The following ZNF169 variants were observed in gnomAD, a reference collection of about 807,000 sequenced individuals.
ZNF169 encodes the protein zinc finger protein 169.
ZNF169 carries 11 observed loss-of-function variants against 12.0 expected under a neutral mutation model. That is an observed-to-expected ratio of 0.92 (90% CI 0.58 to 1.52). The LOEUF is 1.52. ZNF169 is among the 40% of genes most tolerant of loss of function. The pLI is 0.00. For synonymous variants in ZNF169, 302 were observed against 286.5 expected, an observed-to-expected ratio of 1.05 and a Z score of -0.55; for missense variants, 722 against 744.0, an observed-to-expected ratio of 0.97 and a Z score of 0.34.
intron 1 of ZNF169, among the ~76,000 whole-genome samples, chr9:94,260,883 T>C (rs11789843): frequency 0.18 from 21,688 of 120,576 alleles, 3,129 homozygotes; most frequent in Middle Eastern, 0.25. Flanking sequence ...TGCAGTGGAG[T>C]GATCTCAGCT....
At chr9:94,268,042 T>G (rs1409209931) in intron 1 of ZNF169, among the ~76,000 whole-genome samples, 5 of 78,738 alleles carry the variant, frequency 6.4e-5, no homozygotes, top group African/African-American at 8.5e-5. Flanking sequence ...ATTTTTTTTG[T>G]TTTTTTTAGT....
chr9:94,288,225 T>G (rs1288841384), intron 2 of ZNF169: 2 of 815,556 alleles, frequency 2.5e-6, no homozygotes, highest in South Asian at 2.7e-5. Context: ...AGCATTTTTT[T>G]CCCCCAGTGT....
chr9:94,270,793 AAAT>A (rs1307567449), intron 1 of ZNF169, among the ~76,000 whole-genome samples: 1 of 66,432 alleles, frequency 1.5e-5, no homozygotes, highest in African/African-American at 5.7e-5. Context: ...AAATATATAT[AAAT>A]AATATATATA....
At chr9:94,288,490 C>A in intron 2 of ZNF169, 2 of 752,254 alleles carry the variant, frequency 2.7e-6, no homozygotes, top group Non-Finnish European at 2.3e-6. Flanking sequence ...AAATCCATAG[C>A]CATTGGTGAA....
At position 94,300,453 on chromosome 9, in the gene ZNF169, T is replaced by G. The variant is rs777392433; in HGVS notation, c.895T>G (p.Phe299Val). ...PYVCRECGRH[F>V]RYTSSLTNHK... ...TGTGTGCAGGGAATGTGGGCGACAC[T>G]TCAGGTATACATCCTCTCTCACTAA... Residue 299 changes from phenylalanine (F) to valine (V), a missense_variant, in exon 5 of 5, where the codon TTC (phenylalanine) becomes GTC (valine). Coordinates refer to ENST00000395395, the MANE Select transcript of ZNF169 (RefSeq NM_194320.4). 1 of 1,614,040 alleles carries G rather than the reference T, an allele frequency of 6.2e-7. No homozygotes were observed. Among genetic ancestry groups the G allele is most frequent in the East Asian group, 2.2e-5 (1 of 44,860 alleles).
chr9:94,301,463 T>G lies in ZNF169; in HGVS notation c.*93T>G. The G allele has an allele frequency of 6.9e-7, 1 of 1,450,190 alleles. No homozygotes were observed. The highest frequency in any genetic ancestry group is 9.1e-7 in the Non-Finnish European group (1 of 1,099,368). 89.8% of individuals were successfully genotyped at this position (1,450,190 alleles called of 1,614,324 possible). A position where few individuals can be genotyped will look rare whatever the true frequency, so the allele number is the denominator to read the frequency against. On this transcript the variant is annotated 3_prime_UTR_variant, in exon 5 of 5. Transcript: ENST00000395395. ...GAATGGAAAAAAAAAAATGTTGCTT[T>G]CTTTCATCGATCATGAGATAGTTGA...
intron 2 of ZNF169, chr9:94,288,263 G>A (rs1830756434): frequency 2.5e-6 from 2 of 805,448 alleles, no homozygotes; most frequent in African/African-American, 3.4e-5. Context: ...TTGAAGGTCA[G>A]CTTCAGTTCA....
rs1305229126 is a variant in ZNF169, at chr9:94,289,054, A to G, written c.34-3287A>G. Among the ~76,000 whole-genome samples, 5 of 152,150 alleles carry G rather than the reference A, an allele frequency of 3.3e-5. No homozygotes were observed. In the East Asian group the frequency reaches 9.6e-4, roughly 29 times the overall value. On this transcript the variant is annotated intron_variant, in intron 2 of 4. Transcript: ENST00000395395. ...AATGCTTAGGAAAATTATGTTTTTA[A>G]ACAGAAAGAGTAAGGGGATGTAATG...
chr9:94,273,476 T>C (rs1300112274), intron 1 of ZNF169, among the ~76,000 whole-genome samples: 6 of 151,850 alleles, frequency 4.0e-5, no homozygotes, highest in Non-Finnish European at 7.4e-5. Context: ...TGGGTTCTTT[T>C]TGCTTTTCTT....
At chr9:94,263,832 ATT>A (rs11357191) in intron 1 of ZNF169, among the ~76,000 whole-genome samples, 97 of 142,132 alleles carry the variant, frequency 6.8e-4, no homozygotes, top group South Asian at 2.9e-3. Context: ...GGCCAATTGA[ATT>A]TTTTTTTTTT....
chr9:94,295,624 A>G (rs556790293), intron 4 of ZNF169: 2 of 152,244 alleles, frequency 1.3e-5, no homozygotes, highest in East Asian at 3.9e-4. Flanking sequence ...ATTTGTCTGC[A>G]TTTTCTAGAA....
chr9:94,270,737 T>TATATTATATAATATTATATATTATA lies in ZNF169; in HGVS notation c.-55-8021_-55-8020insATATTATATAATATTATATATTATA, dbSNP rs1262184587. On this transcript the variant is annotated intron_variant, in intron 1 of 4. Coordinates refer to ENST00000395395, the MANE Select transcript of ZNF169 (RefSeq NM_194320.4). ...ATATATAATATTATATATTATATAA[T>TATATTATATAATATTATATATTATA]TAATGTATTTATATAATATATAAAT... is the stretch of plus-strand genomic sequence containing the variant. Among the ~76,000 whole-genome samples the TATATTATATAATATTATATATTATA allele has an allele frequency of 3.4e-4, 11 of 32,054 alleles. No individual in the cohort carries two copies. In the South Asian group the frequency reaches 3.5e-3, roughly 10 times the overall value. The allele number at this position is 32,054 out of a possible 152,430, so 21.0% of individuals were successfully genotyped here.
Position 94,291,047 on chromosome 9 carries a change from C to CTTTTTTTTTTTTTTTTT in ZNF169, c.34-1285_34-1269dup, listed in dbSNP as rs59027045. ...TGATTCTGGTCTATGGAACAGTATT[C>CTTTTTTTTTTTTTTTTT]TTTTTTTTTTTTTTTTTTTTTTTTT... is the stretch of plus-strand genomic sequence containing the variant. On this transcript the variant is annotated intron_variant, in intron 2 of 4. Transcript: ENST00000395395. Among the ~76,000 whole-genome samples, 2 of 59,570 alleles carry CTTTTTTTTTTTTTTTTT rather than the reference C, an allele frequency of 3.4e-5. 1 individual carries two copies. The highest frequency in any genetic ancestry group is 1.5e-4 in the African/African-American group (2 of 13,736). The allele number at this position is 59,570 out of a possible 152,430, so 39.1% of individuals were successfully genotyped here. A position where few individuals can be genotyped will look rare whatever the true frequency, so the allele number is the denominator to read the frequency against.
rs199530764 is a variant in ZNF169 at position 94,300,777 on chromosome 9, T to C, written c.1219T>C (p.Cys407Arg). Residue 407 changes from cysteine to arginine, a missense_variant, in exon 5 of 5, where the codon TGT (cysteine) becomes CGT (arginine). Transcript: ENST00000395395. ...AGAGAAGCCTTATGTCTGTGCTGAG[T>C]GTGGGCACAGCTTTCGCCAAAAGGT... is the stretch of plus-strand genomic sequence containing the variant. ...SGEKPYVCAE[C>R]GHSFRQKVTL... is the part of the protein sequence containing the mutation. 3 of 1,613,760 alleles carry C rather than the reference T, an allele frequency of 1.9e-6. No individual in the cohort carries two copies. The highest frequency in any genetic ancestry group is 1.3e-5 in the African/African-American group (1 of 74,872).
At chr9:94,293,313 C>G (rs1264000955) in intron 4 of ZNF169, 1 of 591,366 alleles carries the variant, frequency 1.7e-6, no homozygotes, top group Non-Finnish European at 3.0e-6. Context: ...CTTCCTTTCT[C>G]GAGCACATTC....
chr9:94,276,334 C>T lies in ZNF169; in HGVS notation c.-55-2424C>T, dbSNP rs887688544. Reference sequence around the variant, plus strand: ...AGGCTAGAGTGCAATGGCGTGATTTCGGCTTACTGCAACCTCCACCTCCCA... The same window carrying T: ...AGGCTAGAGTGCAATGGCGTGATTTTGGCTTACTGCAACCTCCACCTCCCA... On this transcript the variant is annotated intron_variant, in intron 1 of 4. Coordinates refer to ENST00000395395, the MANE Select transcript of ZNF169 (RefSeq NM_194320.4). Among the ~76,000 whole-genome samples, 12 of 151,992 alleles carry T rather than the reference C, an allele frequency of 7.9e-5. No homozygotes were observed. In the East Asian group the frequency reaches 9.7e-4, roughly 12 times the overall value.
intron 1 of ZNF169, among the ~76,000 whole-genome samples, chr9:94,269,321 G>A (rs1408388065): frequency 2.0e-5 from 3 of 151,922 alleles, no homozygotes; most frequent in Admixed American, 6.5e-5. Flanking sequence ...CCGGACAAAT[G>A]GCTTCGCAAG....
At chr9:94,292,608 TG>T (rs386418560) in intron 3 of ZNF169, 141 bp downstream of exon 3, 3,109 of 240,284 alleles carry the variant, frequency 0.013, 123 homozygotes, top group Non-Finnish European at 0.018. Flanking sequence ...ACAGTGCAGT[TG>T]TGTGTGTGTG....
At chr9:94,266,933 A>G (rs944413605) in intron 1 of ZNF169, among the ~76,000 whole-genome samples, 7 of 143,670 alleles carry the variant, frequency 4.9e-5, no homozygotes, top group African/African-American at 1.8e-4. Context: ...TTTTTAAGAC[A>G]GAGTCTCACT....
Sources: allele counts gnomAD v4.1 joint callset (sites outside exome capture counted in the v4.1 genomes callset), GRCh38; gene constraint gnomAD v4.1.1; transcripts MANE v1.5; gene names NCBI Gene and HGNC (gene_info 2026-07-23, HGNC 2026-07-21).